COL5A1: variants seen among roughly 807,000 people sequenced by gnomAD.
The protein encoded by COL5A1 is collagen type V alpha 1 chain, also known as collagen alpha-1(V) chain.
Under a neutral mutation model 263.7 loss-of-function variants are expected in COL5A1, and 16 were observed. That is an observed-to-expected ratio of 0.06 (90% CI 0.04 to 0.09). The LOEUF (loss-of-function observed/expected upper bound fraction) is 0.09. Among genes scored for constraint, COL5A1 ranks in the 10% least tolerant of loss-of-function variants. The pLI is 1.00. For missense variants in COL5A1, 2,036 were observed against 2,540.5 expected (o/e 0.80, Z 4.27); for synonymous variants, 1,012 against 1,004.5 (o/e 1.01, Z -0.14).
intron 1 of COL5A1, among the ~76,000 whole-genome samples, chr9:134,644,590 G>GC (rs906079037): frequency 4.2e-5 from 3 of 70,768 alleles, no homozygotes; most frequent in African/African-American, 2.8e-4. Context: ...AGGCAGGCGC[G>GC]GGGGGGAGCC....
At chr9:134,764,248 C>T (rs371801323) in intron 20 of COL5A1, among the ~76,000 whole-genome samples, 1 of 110,900 alleles carries the variant, frequency 9.0e-6, no homozygotes. Flanking sequence ...GGTTCAGTGG[C>T]ACCATAGGGG....
intron 37 of COL5A1, among the ~76,000 whole-genome samples, chr9:134,799,559 C>T (rs541116168): frequency 9.2e-5 from 14 of 152,324 alleles, no homozygotes; most frequent in African/African-American, 2.9e-4. Context: ...CTCTACAGGA[C>T]TCTCCCAGCA....
Position 134,825,902 on chromosome 9 carries a change from G to C in COL5A1, c.5065G>C (p.Gly1689Arg). The stretch of plus-strand genomic sequence containing the variant: ...CGTCTTCCCTGACAAGAAGTCCGAA[G>C]GGGTGAGTAGCTGTGTCCCTCCATG... Reference protein sequence around the residue: ...TCVFPDKKSEGARITSWPKEN... With the variant: ...TCVFPDKKSERARITSWPKEN... Residue 1689 changes from glycine (G) to arginine (R), a missense_variant and splice_region_variant, in exon 63 of 66, where the codon GGG becomes CGG. Gly to Arg is a moderately radical substitution (Grantham distance 125). Around this residue, in one of 3 missense-constraint regions of COL5A1, gnomAD observed 358 missense variants for 384.6 expected, o/e 0.93. Transcript: ENST00000371817. The C allele has an allele frequency of 6.2e-7, 1 of 1,607,952 alleles. No individual in the cohort carries two copies. Among genetic ancestry groups the C allele is most frequent in the Non-Finnish European group, 8.5e-7 (1 of 1,174,960 alleles).
At chr9:134,760,578 ACACT>A (rs1395189289) in intron 18 of COL5A1, among the ~76,000 whole-genome samples, 5 of 110,634 alleles carry the variant, frequency 4.5e-5, no homozygotes, top group African/African-American at 1.2e-4. Context: ...ACACACCCCC[ACACT>A]CAGACACATG....
chr9:134,711,089 C>T (rs1271714444), intron 4 of COL5A1, among the ~76,000 whole-genome samples: 7 of 152,128 alleles, frequency 4.6e-5, no homozygotes, highest in Non-Finnish European at 1.0e-4. Flanking sequence ...GAAGGGAGCT[C>T]CCACAGCTGG....
At chr9:134,784,783 G>C (rs1019614988) in intron 29 of COL5A1, among the ~76,000 whole-genome samples, 1 of 152,272 alleles carries the variant, frequency 6.6e-6, no homozygotes, top group Non-Finnish European at 1.5e-5. Context: ...CAGAGCCCGG[G>C]AGCCCGGGAA....
At chr9:134,776,903 G>A (rs1837074580) in intron 27 of COL5A1, among the ~76,000 whole-genome samples, 1 of 152,164 alleles carries the variant, frequency 6.6e-6, no homozygotes, top group Non-Finnish European at 1.5e-5. Flanking sequence ...GAAGAGGGGG[G>A]ACGAGCACCC....
chr9:134,732,124 G>T lies in COL5A1; in HGVS notation c.1386G>T (p.Glu462Asp), dbSNP rs1367349658. ...AAAAGGGAGAACCAGCGATTATCGAGCCGGTGAGGACATTTTCTCATTCCC... is the reference window on the plus strand; with the variant it reads ...AAAAGGGAGAACCAGCGATTATCGATCCGGTGAGGACATTTTCTCATTCCC... ...KGQKGEPAII[E>D]PGMLIEGPPG... is the part of the protein sequence containing the mutation. The change falls in exon 9 of 66, where the codon GAG becomes GAT. Residue 462 changes from glutamate (E) to aspartate (D), a missense_variant. Physicochemically the swap from Glu to Asp is conservative, Grantham distance 45. This residue lies in a region of COL5A1 where 600 missense variants were observed against 634.5 expected (regional missense o/e 0.95). Coordinates refer to ENST00000371817, the MANE Select transcript of COL5A1 (RefSeq NM_000093.5). The T allele has an allele frequency of 6.2e-7, 1 of 1,614,252 alleles. No homozygotes were observed. Among genetic ancestry groups the T allele is most frequent in the South Asian group, 1.1e-5 (1 of 91,088 alleles).
At position 134,805,822 on chromosome 9, in the gene COL5A1, C is replaced by T. The variant is rs373157232; in HGVS notation, c.3259-367C>T. The stretch of plus-strand genomic sequence containing the variant: ...GGGCCCTGGAGGAGAGGGGGTGCCC[C>T]GTGGGCTCTAGAGGGAAGGGGGTGC... On this transcript the variant is annotated intron_variant, in intron 41 of 65. Coordinates refer to ENST00000371817, the MANE Select transcript of COL5A1 (RefSeq NM_000093.5). 3.6e-3 allele frequency among the ~76,000 whole-genome samples: 535 copies of T among 150,364 alleles called. 2 individuals carry two copies. Among genetic ancestry groups the T allele is most frequent in the Middle Eastern group, 0.014 (4 of 294 alleles).
At chr9:134,729,822 G>T (rs1292687880) in intron 6 of COL5A1, among the ~76,000 whole-genome samples, 1 of 151,210 alleles carries the variant, frequency 6.6e-6, no homozygotes, top group Non-Finnish European at 1.5e-5. Flanking sequence ...GTGCATGCGG[G>T]CACGGGTGTG....
At chr9:134,798,333 C>T in intron 36 of COL5A1, 75 bp from the exon 37 acceptor site, 2 of 1,354,104 alleles carry the variant, frequency 1.5e-6, no homozygotes, top group Non-Finnish European at 1.1e-6. Context: ...ACGGTCACTC[C>T]ACGTGGCATT....
Position 134,765,635 on chromosome 9 carries a change from G to A in COL5A1, c.2035-46G>A, listed in dbSNP as rs1394005564. ...GCATAGGGGACAGAGAGGAGGGCTG[G>A]GATTTCTGCCCGAGTTTAAATCCTA... On this transcript the variant is annotated intron_variant, in intron 20 of 65. Coordinates refer to ENST00000371817, the MANE Select transcript of COL5A1 (RefSeq NM_000093.5). This position sits in a 1 kb window ranked among gnomAD's most constrained non-coding sequence, Gnocchi z 5.1. 2.5e-6 allele frequency: 4 copies of A among 1,568,998 alleles called. No individual in the cohort carries two copies. The highest frequency in any genetic ancestry group is 2.6e-6 in the Non-Finnish European group (3 of 1,139,126).
intron 1 of COL5A1, among the ~76,000 whole-genome samples, chr9:134,685,752 A>ATTAG (rs1313580586): frequency 1.6e-5 from 1 of 64,386 alleles, no homozygotes; most frequent in Non-Finnish European, 3.2e-5. Flanking sequence ...CCATCCATCC[A>ATTAG]CCATCCATCC....
intron 9 of COL5A1, among the ~76,000 whole-genome samples, chr9:134,734,712 A>G (rs1835034888): frequency 6.6e-6 from 1 of 152,224 alleles, no homozygotes; most frequent in Non-Finnish European, 1.5e-5. Flanking sequence ...GTTCATCCTT[A>G]TCCTTGTGCT....
intron 49 of COL5A1, among the ~76,000 whole-genome samples, chr9:134,814,304 G>A (rs1564477353): frequency 2.0e-5 from 3 of 152,318 alleles, no homozygotes; most frequent in East Asian, 1.9e-4. Flanking sequence ...GCCCCTTCGC[G>A]GGGCAGCTGC....
Position 134,641,975 on chromosome 9 carries a change from A to C in COL5A1, c.-213A>C. On this transcript the variant is annotated 5_prime_UTR_variant, in exon 1 of 66. Coordinates refer to ENST00000371817, the MANE Select transcript of COL5A1 (RefSeq NM_000093.5). ...GGGGTCCCGGCCGCCCCGCGGGCCA[A>C]AGTCGAGCCCTCCCGCCCGTGGGCG... 2.4e-6 allele frequency: 1 copy of C among 414,286 alleles called. No homozygotes were observed. The highest frequency in any genetic ancestry group is 4.1e-6 in the Non-Finnish European group (1 of 242,214). The allele number at this position is 414,286 out of a possible 1,614,324, so 25.7% of individuals were successfully genotyped here. A position where few individuals can be genotyped will look rare whatever the true frequency, so the allele number is the denominator to read the frequency against.
Position 134,730,470 on chromosome 9 carries a change from T to G in COL5A1, c.1159T>G (p.Ser387Ala). 1 of 1,613,974 alleles carries G rather than the reference T, an allele frequency of 6.2e-7. No homozygotes were observed. The highest frequency in any genetic ancestry group is 8.5e-7 in the Non-Finnish European group (1 of 1,180,018). The change falls in exon 7 of 66, where the codon TCC becomes GCC. Residue 387 changes from serine to alanine, a missense_variant. Around this residue, in one of 3 missense-constraint regions of COL5A1, gnomAD observed 600 missense variants for 634.5 expected, o/e 0.95. Transcript: ENST00000371817. The stretch of plus-strand genomic sequence containing the variant: ...CAGCACCGCCGACACCTCCAACTCC[T>G]CCAATGTAATTTCTTTCCTTCCCAT... The part of the protein sequence containing the change: ...PTSTADTSNS[S>A]NPAPPPGEGA...
chr9:134,812,854 G>A (rs1838590146), intron 48 of COL5A1, 142 bp downstream of exon 48: 1 of 714,180 alleles, frequency 1.4e-6, no homozygotes, highest in South Asian at 1.5e-5. Flanking sequence ...GTACCTCTCT[G>A]TGTGTACACA....
intron 11 of COL5A1, among the ~76,000 whole-genome samples, chr9:134,744,330 C>T (rs1430271336): frequency 6.6e-6 from 1 of 151,970 alleles, no homozygotes; most frequent in Non-Finnish European, 1.5e-5. Context: ...CACTCATGCA[C>T]ACACACTCAT....
Sources: allele counts gnomAD v4.1 joint callset (sites outside exome capture counted in the v4.1 genomes callset), GRCh38; gene constraint gnomAD v4.1.1; regional missense constraint gnomAD v4.1.1; non-coding constraint Gnocchi (gnomAD v3.1); transcripts MANE v1.5; gene names NCBI Gene and HGNC (gene_info 2026-07-23, HGNC 2026-07-21).